PTPRM: variants seen among roughly 807,000 people sequenced by gnomAD.
The protein encoded by PTPRM is protein tyrosine phosphatase receptor type M, also known as receptor-type tyrosine-protein phosphatase mu.
PTPRM carries 47 observed loss-of-function variants against 186.7 expected under a neutral mutation model. The ratio of observed to expected loss-of-function variants is 0.25; its 90% CI spans 0.20 to 0.32. The LOEUF (loss-of-function observed/expected upper bound fraction) is 0.32, where lower values mean the gene tolerates loss of function less well. PTPRM is among the 10% of genes least tolerant of loss of function. The pLI, the probability that PTPRM is intolerant of heterozygous loss-of-function variation, is 1.00. For synonymous variants in PTPRM, 668 were observed against 674.9 expected (o/e 0.99, Z 0.16); for missense variants, 1,494 against 1,865.0 (o/e 0.80, Z 3.66).
chr18:7,868,051 C>A (rs2047801332), intron 2 of PTPRM, among the ~76,000 whole-genome samples: 1 of 152,104 alleles, frequency 6.6e-6, no homozygotes, highest in South Asian at 2.1e-4. Flanking sequence ...TCCATCAGGT[C>A]ATTTATGTTC....
At chr18:7,747,693 G>A (rs994762143) in intron 1 of PTPRM, 6 of 152,084 alleles carry the variant, frequency 3.9e-5, no homozygotes, top group Non-Finnish European at 7.3e-5. Flanking sequence ...ACTCCACCTT[G>A]TATTAGAATA....
At chr18:8,376,669 C>T in intron 26 of PTPRM, 72 bp downstream of exon 26, 1 of 1,478,548 alleles carries the variant, frequency 6.8e-7, no homozygotes, top group Non-Finnish European at 9.1e-7. Flanking sequence ...ATTTCAGGGC[C>T]AAGGGCACAA....
At chr18:7,665,878 C>T (rs1306007283) in intron 1 of PTPRM, among the ~76,000 whole-genome samples, 4 of 151,700 alleles carry the variant, frequency 2.6e-5, no homozygotes, top group Non-Finnish European at 2.9e-5. Context: ...GTTGGGATCG[C>T]GCCACTGCAC....
chr18:7,802,661 C>T lies in PTPRM; in HGVS notation c.196+28390C>T, dbSNP rs1243879574. On this transcript the variant is annotated intron_variant, in intron 2 of 32. Coordinates refer to ENST00000580170, the MANE Select transcript of PTPRM (RefSeq NM_001105244.2). ...AGACTCCTAGATAAATCTGAACAAG[C>T]GATTATGTCACTTTGGAATCCGATT... Among the ~76,000 whole-genome samples, 6 of 152,208 alleles carry T rather than the reference C, an allele frequency of 3.9e-5. No homozygotes were observed. In the South Asian group the frequency reaches 8.3e-4, roughly 21 times the overall value.
At chr18:7,622,942 C>T (rs550951254) in intron 1 of PTPRM, among the ~76,000 whole-genome samples, 2 of 152,242 alleles carry the variant, frequency 1.3e-5, no homozygotes, top group Non-Finnish European at 2.9e-5. Flanking sequence ...CCTCTAATCC[C>T]TCCAAGATTT....
At chr18:8,287,178 T>C (rs923489147) in intron 19 of PTPRM, among the ~76,000 whole-genome samples, 1 of 151,222 alleles carries the variant, frequency 6.6e-6, no homozygotes, top group African/African-American at 2.4e-5. Context: ...GAAGGAAAAA[T>C]ACAGACATGG....
At chr18:7,661,646 G>A (rs1212490614) in intron 1 of PTPRM, among the ~76,000 whole-genome samples, 1 of 152,264 alleles carries the variant, frequency 6.6e-6, no homozygotes, top group Non-Finnish European at 1.5e-5. Flanking sequence ...AGAAGACCCA[G>A]TAAGTAATCC....
intron 1 of PTPRM, among the ~76,000 whole-genome samples, chr18:7,710,511 C>G (rs1020467071): frequency 2.0e-5 from 3 of 152,158 alleles, no homozygotes; most frequent in African/African-American, 7.2e-5. Context: ...ACTTTCGCCA[C>G]TCCTATTCAA....
intron 19 of PTPRM, among the ~76,000 whole-genome samples, chr18:8,277,245 T>C (rs1209030616): frequency 6.6e-6 from 1 of 152,106 alleles, no homozygotes; most frequent in Non-Finnish European, 1.5e-5. Flanking sequence ...TTTCCCAATA[T>C]AGAAACAGTA....
At chr18:7,726,672 T>G (rs2040555973) in intron 1 of PTPRM, among the ~76,000 whole-genome samples, 1 of 152,216 alleles carries the variant, frequency 6.6e-6, no homozygotes, top group Non-Finnish European at 1.5e-5. Flanking sequence ...TGACCATTCT[T>G]TGGAAGTCTG....
At chr18:7,975,603 A>ACGGAG (rs2054878179) in intron 7 of PTPRM, among the ~76,000 whole-genome samples, 1 of 152,200 alleles carries the variant, frequency 6.6e-6, no homozygotes, top group African/African-American at 2.4e-5. Context: ...TAAGATTATA[A>ACGGAG]CGGAGCTGAA....
intron 2 of PTPRM, among the ~76,000 whole-genome samples, chr18:7,820,194 T>C (rs1008880092): frequency 7.2e-5 from 11 of 152,296 alleles, no homozygotes; most frequent in Middle Eastern, 3.4e-3. Flanking sequence ...CCATACTCAA[T>C]GGCAGTGGGA....
chr18:7,682,183 C>T (rs577695380), intron 1 of PTPRM, among the ~76,000 whole-genome samples: 200 of 152,296 alleles, frequency 1.3e-3, no homozygotes, highest in Non-Finnish European at 5.1e-4. Flanking sequence ...TCTTAACCTG[C>T]AGGCTAGATT....
intron 1 of PTPRM, among the ~76,000 whole-genome samples, chr18:7,634,972 A>T (rs4559980): frequency 6.6e-6 from 1 of 152,166 alleles, no homozygotes; most frequent in African/African-American, 2.4e-5. Context: ...TCACACAGGC[A>T]TATCTTTTAT....
At chr18:8,094,606 A>G (rs1417716140) in intron 11 of PTPRM, among the ~76,000 whole-genome samples, 1 of 152,044 alleles carries the variant, frequency 6.6e-6, no homozygotes, top group East Asian at 1.9e-4. Context: ...CAAAATATAA[A>G]TAAAATAAAT....
chr18:7,725,658 G>A (rs1430346800), intron 1 of PTPRM, among the ~76,000 whole-genome samples: 3 of 152,040 alleles, frequency 2.0e-5, no homozygotes, highest in African/African-American at 4.8e-5. Context: ...GCTTAACCTC[G>A]GAGGGACAGT....
At chr18:8,028,440 G>A (rs757815043) in intron 7 of PTPRM, among the ~76,000 whole-genome samples, 12 of 152,190 alleles carry the variant, frequency 7.9e-5, no homozygotes, top group South Asian at 2.1e-4. Context: ...TCTCACTCCC[G>A]GAAAATTTAT....
chr18:8,247,894 A>T lies in PTPRM; in HGVS notation c.2502A>T (p.Thr834=). ...SFTMKTNTLS[T]SVPNSYYPDP... ...CAATGAAAACAAATACACTGAGCAC[A>T]TCGGTGCCTAATTCCTATTACCCAG... The change falls in exon 16 of 33, where the codon ACA becomes ACT. Residue 834 remains threonine, a synonymous_variant. Coordinates refer to ENST00000580170, the MANE Select transcript of PTPRM (RefSeq NM_001105244.2). The T allele has an allele frequency of 6.2e-7, 1 of 1,602,728 alleles. No individual in the cohort carries two copies.
chr18:7,912,165 C>G (rs2050307689), intron 4 of PTPRM, among the ~76,000 whole-genome samples: 1 of 151,896 alleles, frequency 6.6e-6, no homozygotes, highest in Non-Finnish European at 1.5e-5. Context: ...AGTTTCAATT[C>G]TTACTTACAG....
Sources: allele counts gnomAD v4.1 joint callset (sites outside exome capture counted in the v4.1 genomes callset), GRCh38; gene constraint gnomAD v4.1.1; transcripts MANE v1.5; gene names NCBI Gene and HGNC (gene_info 2026-07-23, HGNC 2026-07-21).